Variants in BTD observed in about 807,000 individuals in gnomAD.
The protein encoded by BTD is biotinidase.
In BTD, 13 loss-of-function variants were observed where a neutral mutation model predicts 17.7. The observed-to-expected ratio is 0.74, with a 90% CI of 0.48 to 1.17. The LOEUF is 1.17. BTD is among the 50% of genes most tolerant of loss of function. The pLI, the probability that BTD is intolerant of heterozygous loss-of-function variation, is 0.00. For synonymous variants in BTD, 240 were observed against 245.2 expected, an observed-to-expected ratio of 0.98 and a Z score of 0.20; for missense variants, 674 against 650.4, an observed-to-expected ratio of 1.04 and a Z score of -0.39.
chr3:15,621,247 G>A (rs547785912), intron 1 of BTD, among the ~76,000 whole-genome samples: 1 of 152,336 alleles, frequency 6.6e-6, no homozygotes, highest in African/African-American at 2.4e-5. Flanking sequence ...GGTTTCTACA[G>A]TGTTCCTTAA....
intron 1 of BTD, chr3:15,631,499 G>A (rs1025249803): frequency 1.3e-6 from 2 of 1,531,528 alleles, no homozygotes; most frequent in Non-Finnish European, 8.7e-7. Flanking sequence ...TAGCAAGGTG[G>A]GGAAAAATCC....
At chr3:15,618,551 A>T (rs1267641247) in intron 1 of BTD, among the ~76,000 whole-genome samples, 1 of 151,808 alleles carries the variant, frequency 6.6e-6, no homozygotes, top group Non-Finnish European at 1.5e-5. Context: ...TATTTTTTTG[A>T]GTCTCACTCT....
intron 1 of BTD, among the ~76,000 whole-genome samples, chr3:15,627,963 C>G (rs1175126058): frequency 6.6e-6 from 1 of 152,188 alleles, no homozygotes; most frequent in African/African-American, 2.4e-5. Flanking sequence ...CTCAGGTGAT[C>G]TACCCACCTT....
rs1027676585 is a variant in BTD at position 15,652,914 on chromosome 3, T to C, written c.*7426T>C. Among the ~76,000 whole-genome samples, 1 of 152,232 alleles carries C rather than the reference T, an allele frequency of 6.6e-6. No homozygotes were observed. The highest frequency in any genetic ancestry group is 1.5e-5 in the Non-Finnish European group (1 of 68,044). ...TGAATAGCAAAATGCAACAGGGAGA[T>C]GTTCTCAGATAGAGGGAGAACAACA... On this transcript the variant is annotated 3_prime_UTR_variant, in exon 4 of 4. Coordinates refer to ENST00000643237, the MANE Select transcript of BTD (RefSeq NM_001370658.1).
intron 4 of BTD, among the ~76,000 whole-genome samples, chr3:15,720,152 C>CT (rs2073545787): frequency 6.6e-6 from 1 of 152,120 alleles, no homozygotes; most frequent in Non-Finnish European, 1.5e-5. Flanking sequence ...GTAGGAGCCA[C>CT]TATGCCAGCC....
chr3:15,624,723 T>C lies in BTD; in HGVS notation c.-16-10701T>C, dbSNP rs115305564. ...CATCCCTGCCATATCTGACTCTGGT[T>C]CTTCTGGGAGGTTTTTTGAGACAAA... On this transcript the variant is annotated intron_variant, in intron 1 of 3. Transcript: ENST00000643237. Among the ~76,000 whole-genome samples, 190 of 152,292 alleles carry C rather than the reference T, an allele frequency of 1.2e-3. 1 individual carries two copies. The highest frequency in any genetic ancestry group is 4.5e-3 in the African/African-American group (189 of 41,568).
rs375712490 is a variant in BTD, at chr3:15,641,939, G to T, written c.281G>T (p.Gly94Val). Residue 94 changes from glycine (G) to valine (V), a missense_variant, in exon 3 of 4, where the codon GGC (glycine) becomes GTC (valine). By Grantham distance (109) the Gly-to-Val change is moderately radical. Coordinates refer to ENST00000643237, the MANE Select transcript of BTD (RefSeq NM_001370658.1). ...DVQIIVFPED[G>V]IHGFNFTRTS... Reference sequence around the variant, plus strand: ...CAGATTATAGTGTTTCCAGAAGATGGCATTCATGGATTCAACTTTACAAGA... The same window carrying T: ...CAGATTATAGTGTTTCCAGAAGATGTCATTCATGGATTCAACTTTACAAGA... 5.0e-6 allele frequency: 8 copies of T among 1,613,404 alleles called. No homozygotes were observed. Among genetic ancestry groups the T allele is most frequent in the Admixed American group, 3.3e-5 (2 of 59,978 alleles).
At chr3:15,722,258 A>T (rs933497269) in exon 5 of BTD, among the ~76,000 whole-genome samples, 14 of 152,192 alleles carry the variant, frequency 9.2e-5, no homozygotes, top group African/African-American at 9.7e-5. Context: ...CCACATGGAC[A>T]ACCAATCAAG....
intron 3 of BTD, chr3:15,685,014 T>A (rs111733373): frequency 4.7e-5 from 27 of 574,592 alleles, no homozygotes; most frequent in African/African-American, 3.4e-4. Flanking sequence ...ATGGCTTATC[T>A]CAGAACACCT....
rs915961366 is a variant in BTD at position 15,709,812 on chromosome 3, T to C, written c.400-248T>C. ...TGAAATTGGTAGGTTTAAAGAAGCATGAAAGCATGTTTTTATATGAAGATA... is the reference window on the plus strand; with the variant it reads ...TGAAATTGGTAGGTTTAAAGAAGCACGAAAGCATGTTTTTATATGAAGATA... On this transcript the variant is annotated intron_variant, in intron 3 of 3. Transcript: ENST00000672141. 4 of 880,706 alleles carry C rather than the reference T, an allele frequency of 4.5e-6. No homozygotes were observed. The Admixed American group carries it at 9.1e-5, about 20-fold the overall frequency. 54.6% of individuals were successfully genotyped at this position (880,706 alleles called of 1,614,324 possible).
Position 15,685,297 on chromosome 3 carries a change from G to A in BTD, c.400-24763G>A, listed in dbSNP as rs1167052520. On this transcript the variant is annotated intron_variant, in intron 3 of 3. Transcript: ENST00000672141. ...TGTGGCTGGATTTGCATCCATAGAT[G>A]CTGCTGACTGCAAAAGGGCTCCAAG... 7 of 1,614,010 alleles carry A rather than the reference G, an allele frequency of 4.3e-6. No individual in the cohort carries two copies. In the East Asian group the frequency reaches 8.9e-5, roughly 21 times the overall value.
At chr3:15,713,882 G>A (rs551428815), downstream of BTD, among the ~76,000 whole-genome samples, 91 of 152,228 alleles carry the variant, frequency 6.0e-4, no homozygotes, top group African/African-American at 2.2e-3. Context: ...AGAGGGTTCT[G>A]GGGTCCAATA....
rs763118135 is a variant in BTD, at chr3:15,635,602, G to T, written c.163G>T (p.Ala55Ser). The T allele has an allele frequency of 3.1e-6, 5 of 1,614,164 alleles. No individual in the cohort carries two copies. The highest frequency in any genetic ancestry group is 4.2e-6 in the Non-Finnish European group (5 of 1,180,028). The change falls in exon 2 of 4, where the codon GCT becomes TCT. Residue 55 changes from alanine to serine, a missense_variant. By Grantham distance (99) the Ala-to-Ser change is moderately conservative. Transcript: ENST00000643237. This position sits in a 1 kb window ranked among gnomAD's most constrained non-coding sequence, Gnocchi z 4.1. ...HPSILSLNPL[A>S]LISRQEALEL... ...ATCCATCCTGAGTCTGAACCCTCTG[G>T]CTCTCATCAGCCGCCAAGAGGCCTT...
At chr3:15,638,414 T>C (rs1698535599) in intron 2 of BTD, among the ~76,000 whole-genome samples, 1 of 152,204 alleles carries the variant, frequency 6.6e-6, no homozygotes, top group Admixed American at 6.5e-5. Flanking sequence ...CAGAGACTGC[T>C]GGCCACGCAG....
chr3:15,661,695 ATATCT>A (rs1244509592), intron 3 of BTD, among the ~76,000 whole-genome samples: 1 of 152,144 alleles, frequency 6.6e-6, no homozygotes, highest in African/African-American at 2.4e-5. Flanking sequence ...CTTTGGTGTT[ATATCT>A]AAAAAGTCAT....
intron 1 of BTD, among the ~76,000 whole-genome samples, chr3:15,611,857 A>G (rs2064644883): frequency 1.3e-5 from 2 of 151,468 alleles, no homozygotes; most frequent in African/African-American, 2.4e-5. Context: ...TCAATATAGG[A>G]TTGAATGAGG....
chr3:15,655,181 G>C (rs1348494652), downstream of BTD, among the ~76,000 whole-genome samples: 1 of 152,190 alleles, frequency 6.6e-6, no homozygotes, highest in Non-Finnish European at 1.5e-5. Flanking sequence ...ACTATTAGAG[G>C]AACAAAGAAG....
chr3:15,602,110 C>G, intron 1 of BTD: 2 of 1,433,322 alleles, frequency 1.4e-6, no homozygotes, highest in Non-Finnish European at 1.8e-6. Context: ...TTGTGGTTTA[C>G]GCTCTCATAA....
intron 1 of BTD, chr3:15,630,117 T>C (rs1055633226): frequency 7.1e-6 from 7 of 983,110 alleles, no homozygotes; most frequent in Middle Eastern, 5.2e-4. Flanking sequence ...ATCGTGGGAG[T>C]GTGGTGAGTA....
Sources: allele counts gnomAD v4.1 joint callset (sites outside exome capture counted in the v4.1 genomes callset), GRCh38; gene constraint gnomAD v4.1.1; non-coding constraint Gnocchi (gnomAD v3.1); transcripts MANE v1.5; gene names NCBI Gene and HGNC (gene_info 2026-07-23, HGNC 2026-07-21).